Variants in FBXL7 observed in about 807,000 individuals in gnomAD.
The protein encoded by FBXL7 is F-box/LRR-repeat protein 7.
In FBXL7, 12 loss-of-function variants were observed where a neutral mutation model predicts 38.3. The ratio of observed to expected loss-of-function variants is 0.31; its 90% CI spans 0.20 to 0.51. The LOEUF (loss-of-function observed/expected upper bound fraction) is 0.51, where lower values mean the gene tolerates loss of function less well. FBXL7 is among the 20% of genes least tolerant of loss of function. The pLI is 0.98. For missense variants in FBXL7, 567 were observed against 676.4 expected (o/e 0.84, Z 1.79); for synonymous variants, 297 against 300.9 (o/e 0.99, Z 0.13).
chr5:15,733,106 T>C (rs1735634684), intron 2 of FBXL7, among the ~76,000 whole-genome samples: 1 of 112,356 alleles, frequency 8.9e-6, no homozygotes, highest in African/African-American at 3.0e-5. Flanking sequence ...TTTCTTTCTT[T>C]TTTTCTTGAG....
intron 2 of FBXL7, among the ~76,000 whole-genome samples, chr5:15,873,884 GA>G (rs1415915701): frequency 2.0e-5 from 3 of 152,062 alleles, no homozygotes; most frequent in Non-Finnish European, 2.9e-5. Flanking sequence ...CCAAACGATA[GA>G]AAAAGAGGGA....
At chr5:15,750,015 G>A (rs1736114829) in intron 2 of FBXL7, among the ~76,000 whole-genome samples, 1 of 152,188 alleles carries the variant, frequency 6.6e-6, no homozygotes. Flanking sequence ...GGCACAACCT[G>A]CACAGACTTA....
intron 2 of FBXL7, among the ~76,000 whole-genome samples, chr5:15,838,842 G>A (rs1250351876): frequency 6.6e-6 from 1 of 152,128 alleles, no homozygotes; most frequent in Non-Finnish European, 1.5e-5. Context: ...TGCACACTGA[G>A]AGTTTGAACT....
intron 2 of FBXL7, among the ~76,000 whole-genome samples, chr5:15,822,196 CAAAAAAA>C (rs5866161): frequency 7.8e-6 from 1 of 128,062 alleles, no homozygotes; most frequent in Non-Finnish European, 1.6e-5. Flanking sequence ...ACTAAAAATA[CAAAAAAA>C]AAAAAAAAAT....
intron 1 of FBXL7, among the ~76,000 whole-genome samples, chr5:15,533,061 G>A (rs918569161): frequency 1.3e-5 from 2 of 152,192 alleles, no homozygotes; most frequent in African/African-American, 4.8e-5. Flanking sequence ...TGGGGTGACT[G>A]TGGGAGACCC....
chr5:15,517,437 C>G (rs1736973695), intron 1 of FBXL7, among the ~76,000 whole-genome samples: 1 of 152,064 alleles, frequency 6.6e-6, no homozygotes, highest in Admixed American at 6.6e-5. Context: ...ACTGAGTGTA[C>G]CTAGAACTGA....
intron 2 of FBXL7, among the ~76,000 whole-genome samples, chr5:15,622,209 A>G (rs1474569992): frequency 1.3e-5 from 2 of 151,986 alleles, no homozygotes; most frequent in African/African-American, 4.8e-5. Flanking sequence ...AATGTGAAAA[A>G]TAGAAAGGAT....
At chr5:15,861,434 A>G (rs902092172) in intron 2 of FBXL7, among the ~76,000 whole-genome samples, 4 of 152,212 alleles carry the variant, frequency 2.6e-5, no homozygotes, top group Admixed American at 2.6e-4. Flanking sequence ...CATCTTTGCT[A>G]TGGCACAGAG....
chr5:15,906,180 T>C (rs1036111649), intron 2 of FBXL7, among the ~76,000 whole-genome samples: 1 of 152,186 alleles, frequency 6.6e-6, no homozygotes, highest in African/African-American at 2.4e-5. Context: ...GCATTTTTTT[T>C]TAATGATATT....
chr5:15,927,570 G>A (rs964962323), intron 2 of FBXL7, among the ~76,000 whole-genome samples: 11 of 151,870 alleles, frequency 7.2e-5, no homozygotes, highest in East Asian at 3.9e-4. Flanking sequence ...TCAGGAGTTC[G>A]AGACCAAACT....
intron 2 of FBXL7, among the ~76,000 whole-genome samples, chr5:15,741,782 A>G (rs949180021): frequency 6.6e-6 from 1 of 152,022 alleles, no homozygotes; most frequent in Admixed American, 6.6e-5. Context: ...AAATGTAGAA[A>G]GAAGTACAGG....
At chr5:15,724,612 G>A (rs1384933930) in intron 2 of FBXL7, among the ~76,000 whole-genome samples, 1 of 151,988 alleles carries the variant, frequency 6.6e-6, no homozygotes, top group East Asian at 1.9e-4. Flanking sequence ...TGCTCTTTTG[G>A]GGTCTGAAAT....
intron 2 of FBXL7, among the ~76,000 whole-genome samples, chr5:15,679,558 G>GTTTTTTTTTT (rs34375125): frequency 8.0e-6 from 1 of 125,128 alleles, no homozygotes. Context: ...ATGCTTCATT[G>GTTTTTTTTTT]TTTTTTTTTT....
intron 2 of FBXL7, among the ~76,000 whole-genome samples, chr5:15,721,576 A>G (rs536359363): frequency 2.8e-4 from 42 of 151,450 alleles, no homozygotes; most frequent in Non-Finnish European, 5.0e-4. Flanking sequence ...TCGAGTCTCT[A>G]TTAGTTTATC....
At chr5:15,529,772 C>T (rs1737366894) in intron 1 of FBXL7, among the ~76,000 whole-genome samples, 1 of 152,182 alleles carries the variant, frequency 6.6e-6, no homozygotes, top group Non-Finnish European at 1.5e-5. Context: ...CTTCTTAATG[C>T]TCAGTTTCCT....
intron 2 of FBXL7, among the ~76,000 whole-genome samples, chr5:15,659,003 G>A (rs2126581476): frequency 6.6e-6 from 1 of 152,212 alleles, no homozygotes; most frequent in African/African-American, 2.4e-5. Flanking sequence ...TGAAGGAAAT[G>A]TTTGCTTCCC....
intron 2 of FBXL7, among the ~76,000 whole-genome samples, chr5:15,617,085 G>A (rs1740476364): frequency 6.6e-6 from 1 of 152,190 alleles, no homozygotes; most frequent in Non-Finnish European, 1.5e-5. Context: ...TATAATTTAT[G>A]TATTGTAATT....
intron 1 of FBXL7, among the ~76,000 whole-genome samples, chr5:15,585,334 TATAAA>T (rs1457703995): frequency 4.6e-5 from 7 of 152,182 alleles, no homozygotes; most frequent in Non-Finnish European, 8.8e-5. Flanking sequence ...AAATGAGTCA[TATAAA>T]AGATAAGATT....
chr5:15,745,198 A>C (rs566348482), intron 2 of FBXL7, among the ~76,000 whole-genome samples: 1 of 150,550 alleles, frequency 6.6e-6, no homozygotes, highest in Non-Finnish European at 1.5e-5. Context: ...ATTATTTGGA[A>C]ACTGTGACTA....
Sources: gnomAD v4.1 joint callset for allele counts (sites outside exome capture counted in the v4.1 genomes callset) on GRCh38, gnomAD v4.1.1 for gene constraint, MANE v1.5 for transcripts, NCBI Gene and HGNC (gene_info 2026-07-23, HGNC 2026-07-21) for gene names.